Variants in ZFYVE9 observed in about 807,000 individuals in gnomAD.
ZFYVE9 encodes zinc finger FYVE-type containing 9, also known as zinc finger FYVE domain-containing protein 9.
Under a neutral mutation model 126.7 loss-of-function variants are expected in ZFYVE9, and 43 were observed. That is an observed-to-expected ratio of 0.34 (90% CI 0.27 to 0.44). The LOEUF is 0.44. Ranked by LOEUF, ZFYVE9 falls within the 20% of genes least tolerant of loss-of-function variation. The pLI is 1.00. For synonymous variants in ZFYVE9, 521 were observed against 597.4 expected (o/e 0.87, Z 1.87); for missense variants, 1,476 against 1,697.0 (o/e 0.87, Z 2.29).
chr1:52,269,312 T>C (rs1404111046), intron 7 of ZFYVE9, among the ~76,000 whole-genome samples: 1 of 151,906 alleles, frequency 6.6e-6, no homozygotes, highest in East Asian at 1.9e-4. Flanking sequence ...GTATTTTTAG[T>C]AGAGACAGGG....
chr1:52,262,048 C>A (rs1464898048), intron 4 of ZFYVE9, among the ~76,000 whole-genome samples: 1 of 152,136 alleles, frequency 6.6e-6, no homozygotes, highest in Non-Finnish European at 1.5e-5. Flanking sequence ...TAACAAAATA[C>A]CATAGACTAG....
chr1:52,277,111 A>G (rs1441353630), intron 8 of ZFYVE9, among the ~76,000 whole-genome samples: 2 of 152,190 alleles, frequency 1.3e-5, no homozygotes, highest in African/African-American at 4.8e-5. Context: ...TAGGGTTCAG[A>G]TTTTTATTTT....
chr1:52,197,660 A>G (rs1644874189), intron 1 of ZFYVE9, among the ~76,000 whole-genome samples: 1 of 88,030 alleles, frequency 1.1e-5, no homozygotes, highest in African/African-American at 4.4e-5. Flanking sequence ...GAAGAGTTTC[A>G]TAAAGGAGGA....
intron 4 of ZFYVE9, among the ~76,000 whole-genome samples, chr1:52,251,347 A>G (rs1307265790): frequency 6.6e-6 from 1 of 152,036 alleles, no homozygotes; most frequent in Non-Finnish European, 1.5e-5. Flanking sequence ...TATGGCCTTT[A>G]TTATGCTGAG....
chr1:52,206,851 G>A (rs567312535), intron 1 of ZFYVE9, among the ~76,000 whole-genome samples: 4 of 152,270 alleles, frequency 2.6e-5, no homozygotes, highest in South Asian at 2.1e-4. Context: ...TGCGCGGCCC[G>A]GAGATAGAGG....
In ZFYVE9 at chr1:52,268,347, A is replaced by G. The variant is rs1173556450; in HGVS notation, c.2456-116A>G. The G allele has an allele frequency of 9.7e-6, 10 of 1,033,942 alleles. No individual in the cohort carries two copies. In the East Asian group the frequency reaches 2.4e-4, roughly 25 times the overall value. The allele number at this position is 1,033,942 out of a possible 1,614,324, so 64.0% of individuals were successfully genotyped here. On this transcript the variant is annotated intron_variant, in intron 6 of 18. Coordinates refer to ENST00000287727, the MANE Select transcript of ZFYVE9 (RefSeq NM_004799.4). The stretch of plus-strand genomic sequence containing the variant: ...TTACATTTCTGATGTTTCTGATTGT[A>G]AGTTGCCAAGTAATGATTTCTTTGT...
Position 52,263,799 on chromosome 1 carries a change from G to T in ZFYVE9, c.2205G>T (p.Leu735=). Residue 735 remains leucine (L), a synonymous_variant, in exon 5 of 19, where the codon CTG becomes CTT. Coordinates refer to ENST00000287727, the MANE Select transcript of ZFYVE9 (RefSeq NM_004799.4). The stretch of plus-strand genomic sequence containing the variant: ...TTTTCTGTGCTTCCTGCTGTAGCCT[G>T]AAATGTAAACTGTTATACATGGACA... The part of the protein sequence containing the change: ...GKVFCASCCS[L]KCKLLYMDRK... The T allele has an allele frequency of 6.9e-7, 1 of 1,453,638 alleles. No individual in the cohort carries two copies. The highest frequency in any genetic ancestry group is 9.3e-7 in the Non-Finnish European group (1 of 1,073,304). 90.0% of individuals were successfully genotyped at this position (1,453,638 alleles called of 1,614,324 possible).
At chr1:52,282,516 T>G (rs1261193956) in intron 10 of ZFYVE9, among the ~76,000 whole-genome samples, 1 of 152,170 alleles carries the variant, frequency 6.6e-6, no homozygotes, top group Non-Finnish European at 1.5e-5. Context: ...AGGGTTTATC[T>G]TTGAGGAAGA....
chr1:52,176,505 C>T (rs1644630826), intron 1 of ZFYVE9, among the ~76,000 whole-genome samples: 1 of 152,190 alleles, frequency 6.6e-6, no homozygotes, highest in Non-Finnish European at 1.5e-5. Context: ...CTGGGAGAAC[C>T]ACTGCTCTCT....
chr1:52,222,559 A>G (rs909732885), intron 2 of ZFYVE9, among the ~76,000 whole-genome samples: 3 of 152,186 alleles, frequency 2.0e-5, no homozygotes, highest in Non-Finnish European at 4.4e-5. Context: ...GCTTCCTTAC[A>G]GGCAATATTG....
intron 1 of ZFYVE9, among the ~76,000 whole-genome samples, chr1:52,164,650 G>GTCCA (rs199776740): frequency 0.038 from 5,774 of 151,856 alleles, 267 homozygotes; most frequent in African/African-American, 0.11. Flanking sequence ...CCGTCCATCC[G>GTCCA]TCCATCCATC....
At chr1:52,207,340 T>C (rs540887082) in intron 1 of ZFYVE9, among the ~76,000 whole-genome samples, 1 of 152,348 alleles carries the variant, frequency 6.6e-6, no homozygotes, top group African/African-American at 2.4e-5. Flanking sequence ...CATTTTCCAA[T>C]ATTTGTTAAA....
intron 4 of ZFYVE9, among the ~76,000 whole-genome samples, chr1:52,241,681 T>C (rs982921300): frequency 6.6e-6 from 1 of 152,214 alleles, no homozygotes; most frequent in Non-Finnish European, 1.5e-5. Context: ...TATGGATTCA[T>C]AATTTCATCT....
intron 1 of ZFYVE9, among the ~76,000 whole-genome samples, chr1:52,211,178 G>A (rs948797955): frequency 1.3e-5 from 2 of 152,176 alleles, no homozygotes; most frequent in African/African-American, 4.8e-5. Context: ...GGTCTTGGAA[G>A]TTACATAGTT....
intron 1 of ZFYVE9, among the ~76,000 whole-genome samples, chr1:52,146,194 A>G (rs771529550): frequency 1.3e-5 from 2 of 152,168 alleles, no homozygotes; most frequent in African/African-American, 2.4e-5. Context: ...GAGGATGTTC[A>G]TAGGTTATAT....
At chr1:52,304,046 G>A (rs968804011) in intron 13 of ZFYVE9, 121 bp downstream of exon 13, 7 of 561,392 alleles carry the variant, frequency 1.2e-5, no homozygotes, top group African/African-American at 9.8e-5. Context: ...TAATAATATT[G>A]TATGGCTTAG....
chr1:52,295,643 A>G (rs950160770), intron 11 of ZFYVE9, among the ~76,000 whole-genome samples: 12 of 152,102 alleles, frequency 7.9e-5, no homozygotes, highest in Non-Finnish European at 2.9e-5. Flanking sequence ...GATTACAAGC[A>G]TGAGCCACTA....
At chr1:52,263,337 A>G (rs36010698) in intron 4 of ZFYVE9, among the ~76,000 whole-genome samples, 196 of 152,330 alleles carry the variant, frequency 1.3e-3, no homozygotes, top group Admixed American at 2.7e-3. Flanking sequence ...TATTCCACAT[A>G]TAAGGATAGT....
In ZFYVE9 at chr1:52,239,272, G is replaced by T. The variant is rs767299854; in HGVS notation, c.1855G>T (p.Gly619Trp). The change falls in exon 4 of 19, where the codon GGG becomes TGG. Residue 619 changes from glycine (G) to tryptophan (W), a missense_variant. Physicochemically the swap from Gly to Trp is radical, Grantham distance 184. Around this residue, in one of 2 missense-constraint regions of ZFYVE9, gnomAD observed 807 missense variants for 794.6 expected, o/e 1.02. Coordinates refer to ENST00000287727, the MANE Select transcript of ZFYVE9 (RefSeq NM_004799.4). Reference sequence around the variant, plus strand: ...TACTAAAAATAAAAATGATATTCTTGGGAAAGCAAAATTAGGGGAAAACTC... The same window carrying T: ...TACTAAAAATAAAAATGATATTCTTTGGAAAGCAAAATTAGGGGAAAACTC... ...NNTKNKNDIL[G>W]KAKLGENSAT... 6.2e-7 allele frequency: 1 copy of T among 1,613,970 alleles called. No homozygotes were observed. The highest frequency in any genetic ancestry group is 1.3e-5 in the African/African-American group (1 of 74,896).
Sources: gnomAD v4.1 joint callset for allele counts (sites outside exome capture counted in the v4.1 genomes callset) on GRCh38, gnomAD v4.1.1 for gene constraint, gnomAD v4.1.1 regional missense constraint, MANE v1.5 for transcripts, NCBI Gene and HGNC (gene_info 2026-07-23, HGNC 2026-07-21) for gene names.